ZDBF2: variants seen among roughly 807,000 people sequenced by gnomAD.
ZDBF2 encodes zinc finger DBF-type containing 2.
In ZDBF2, 6 loss-of-function variants were observed where a neutral mutation model predicts 9.4. The ratio of observed to expected loss-of-function variants is 0.64; its 90% CI spans 0.35 to 1.27. The LOEUF (loss-of-function observed/expected upper bound fraction) is 1.27, where lower values mean the gene tolerates loss of function less well. ZDBF2 is among the 50% of genes most tolerant of loss of function. The pLI is 0.03. For missense variants in ZDBF2, 2,697 were observed against 2,766.8 expected, an observed-to-expected ratio of 0.97 and a Z score of 0.57; for synonymous variants, 905 against 946.3, an observed-to-expected ratio of 0.96 and a Z score of 0.80.
intron 3 of ZDBF2, among the ~76,000 whole-genome samples, chr2:206,292,682 G>C (rs1430500343): frequency 1.3e-5 from 2 of 152,022 alleles, no homozygotes; most frequent in Non-Finnish European, 1.5e-5. Flanking sequence ...TTAAAAGGTT[G>C]TTACACTAAT....
intron 4 of ZDBF2, among the ~76,000 whole-genome samples, chr2:206,301,519 A>G (rs188383799): frequency 2.0e-5 from 3 of 152,194 alleles, no homozygotes; most frequent in Admixed American, 2.0e-4. Context: ...CACCTGTGTC[A>G]TAACCCGAGT....
At chr2:206,284,621 C>T (rs2105905054) in intron 3 of ZDBF2, among the ~76,000 whole-genome samples, 1 of 152,306 alleles carries the variant, frequency 6.6e-6, no homozygotes, top group South Asian at 2.1e-4. Flanking sequence ...TTCTTCCCAG[C>T]TTCTAGTAAT....
chr2:206,297,455 T>A, intron 4 of ZDBF2, 82 bp downstream of exon 4: 1 of 1,245,786 alleles, frequency 8.0e-7, no homozygotes, highest in Non-Finnish European at 1.1e-6. Flanking sequence ...ATCAATACTT[T>A]AAGTGAATCT....
At chr2:206,292,785 G>A (rs1245037623) in intron 3 of ZDBF2, among the ~76,000 whole-genome samples, 1 of 151,700 alleles carries the variant, frequency 6.6e-6, no homozygotes. Context: ...CAAAATCTAG[G>A]GAATAAACAT....
intron 3 of ZDBF2, among the ~76,000 whole-genome samples, chr2:206,284,066 G>A (rs941768228): frequency 1.3e-5 from 2 of 152,200 alleles, no homozygotes; most frequent in Non-Finnish European, 2.9e-5. Context: ...ATCTCAGGAT[G>A]GAAGATTTAT....
rs749509726 is a variant in ZDBF2 at position 206,305,847 on chromosome 2, A to G, written c.1319A>G (p.Tyr440Cys). 3.3e-5 allele frequency: 53 copies of G among 1,613,114 alleles called. No homozygotes were observed. Among genetic ancestry groups the G allele is most frequent in the Non-Finnish European group, 4.2e-5 (49 of 1,179,566 alleles). The part of the protein sequence containing the change: ...LSKEVRTDVQ[Y>C]KNNKSYVSKI... ...AAGGAAGTACGTACTGATGTACAGT[A>G]TAAGAATAATAAATCTTATGTTTCT... Residue 440 changes from tyrosine to cysteine, a missense_variant, in exon 5 of 5, where the codon TAT (tyrosine) becomes TGT (cysteine). Tyr to Cys is a radical substitution (Grantham distance 194). Coordinates refer to ENST00000374423, the MANE Select transcript of ZDBF2 (RefSeq NM_020923.3).
In ZDBF2 at chr2:206,314,414, A is replaced by G. The variant is rs1359899467; in HGVS notation, c.*2821A>G. ...TTTTGATGTTATCAAGATAAAATTT[A>G]TTAAACCTTGAAATTTGTCTGTTCT... On this transcript the variant is annotated 3_prime_UTR_variant, in exon 5 of 5. Coordinates refer to ENST00000374423, the MANE Select transcript of ZDBF2 (RefSeq NM_020923.3). 1 of 152,178 alleles carries G rather than the reference A, an allele frequency of 6.6e-6. No homozygotes were observed. The highest frequency in any genetic ancestry group is 1.5e-5 in the Non-Finnish European group (1 of 68,028). 9.4% of individuals were successfully genotyped at this position (152,178 alleles called of 1,614,324 possible). A position where few individuals can be genotyped will look rare whatever the true frequency, so the allele number is the denominator to read the frequency against.
chr2:206,291,424 G>A (rs918491427), intron 3 of ZDBF2, among the ~76,000 whole-genome samples: 4 of 152,164 alleles, frequency 2.6e-5, no homozygotes, highest in African/African-American at 9.6e-5. Context: ...CCTGCTCTGT[G>A]GCCCAGTTCC....
intron 3 of ZDBF2, among the ~76,000 whole-genome samples, chr2:206,293,768 TAAG>T (rs1692021968): frequency 6.6e-6 from 1 of 152,184 alleles, no homozygotes; most frequent in Non-Finnish European, 1.5e-5. Flanking sequence ...CAAGTGTTGA[TAAG>T]GAGATAGGAA....
intron 3 of ZDBF2, 80 bp from the exon 4 acceptor site, chr2:206,297,166 T>G: frequency 3.3e-6 from 2 of 603,434 alleles, no homozygotes; most frequent in East Asian, 6.1e-5. Context: ...ACCAAGAGTA[T>G]AGAAATGAAT....
Position 206,308,997 on chromosome 2 carries a change from C to T in ZDBF2, c.4469C>T (p.Thr1490Ile), listed in dbSNP as rs1372763920. ...KEEHVVMEEK[T>I]DQPSDSEMMY... is the part of the protein sequence containing the mutation. ...GAGCATGTTGTCATGGAAGAAAAGA[C>T]CGATCAACCTAGTGATTCAGAAATG... Residue 1490 changes from threonine to isoleucine, a missense_variant, in exon 5 of 5, where the codon ACC (threonine) becomes ATC (isoleucine). Transcript: ENST00000374423. 6.2e-7 allele frequency: 1 copy of T among 1,613,822 alleles called. No homozygotes were observed. Among genetic ancestry groups the T allele is most frequent in the Admixed American group, 1.7e-5 (1 of 59,990 alleles).
intron 3 of ZDBF2, among the ~76,000 whole-genome samples, chr2:206,289,166 G>A (rs953408270): frequency 1.3e-5 from 2 of 152,038 alleles, no homozygotes; most frequent in Non-Finnish European, 2.9e-5. Context: ...GCTCAGCTTG[G>A]CCAGGACACT....
chr2:206,299,091 G>T (rs1043546957), intron 4 of ZDBF2, among the ~76,000 whole-genome samples: 2 of 151,542 alleles, frequency 1.3e-5, no homozygotes, highest in African/African-American at 4.8e-5. Flanking sequence ...ATGTTGGCCA[G>T]GCTGGTCTCG....
chr2:206,287,671 C>T (rs139690517), intron 3 of ZDBF2, among the ~76,000 whole-genome samples: 167 of 152,206 alleles, frequency 1.1e-3, no homozygotes, highest in African/African-American at 3.6e-3. Context: ...CTTGTCTTCC[C>T]CATCTGGATT....
At chr2:206,282,014 G>T (rs548847696) in intron 3 of ZDBF2, 105 bp downstream of exon 3, 232 of 1,058,508 alleles carry the variant, frequency 2.2e-4, no homozygotes, top group Non-Finnish European at 3.1e-4. Flanking sequence ...GATCATATTG[G>T]GAATCTATTA....
In ZDBF2 at chr2:206,305,509, A is replaced by G. The variant is rs1423129892; in HGVS notation, c.981A>G (p.Ala327=). ...AAGGAATCTTTGAAGATACTATTGC[A>G]AAGAACCATGAGGAATTCTTTTCTA... ...SNKGIFEDTI[A]KNHEEFFSNM... is the part of the protein sequence containing the mutation. Residue 327 remains alanine (A), a synonymous_variant, in exon 5 of 5, where the codon GCA becomes GCG. Coordinates refer to ENST00000374423, the MANE Select transcript of ZDBF2 (RefSeq NM_020923.3). 3.7e-6 allele frequency: 6 copies of G among 1,613,296 alleles called. No homozygotes were observed. The Admixed American group carries it at 8.3e-5, about 22-fold the overall frequency.
Position 206,297,436 on chromosome 2 carries a change from C to A in ZDBF2, c.188+63C>A. On this transcript the variant is annotated intron_variant, in intron 4 of 4. Transcript: ENST00000374423. ...ATATGTTACAGTAGGTGTTTGTGTT[C>A]ATGTCCCAATCAATACTTTAAGTGA... 2.1e-6 allele frequency: 3 copies of A among 1,410,018 alleles called. No homozygotes were observed. In the South Asian group the frequency reaches 4.3e-5, roughly 20 times the overall value. 87.3% of individuals were successfully genotyped at this position (1,410,018 alleles called of 1,614,324 possible).
chr2:206,288,577 G>A (rs927290809), intron 3 of ZDBF2, among the ~76,000 whole-genome samples: 2 of 152,204 alleles, frequency 1.3e-5, no homozygotes, highest in Non-Finnish European at 2.9e-5. Flanking sequence ...GTGGTTGTGG[G>A]ACCAGGGTCC....
chr2:206,294,236 T>G (rs1366019261), intron 3 of ZDBF2, among the ~76,000 whole-genome samples: 1 of 152,120 alleles, frequency 6.6e-6, no homozygotes, highest in African/African-American at 2.4e-5. Flanking sequence ...GGGAAGGGAT[T>G]GGGATGGGGC....
Sources: allele counts gnomAD v4.1 joint callset (sites outside exome capture counted in the v4.1 genomes callset), GRCh38; gene constraint gnomAD v4.1.1; transcripts MANE v1.5; gene names NCBI Gene and HGNC (gene_info 2026-07-23, HGNC 2026-07-21).